The following NAA60 variants were observed in gnomAD, a reference collection of about 807,000 sequenced individuals.
NAA60 encodes N-alpha-acetyltransferase 60.
In NAA60, 8 loss-of-function variants were observed where a neutral mutation model predicts 26.1. The observed-to-expected ratio is 0.31, with a 90% CI of 0.18 to 0.55. NAA60 has a LOEUF of 0.55. NAA60 is among the 20% of genes least tolerant of loss of function. The probability of loss-of-function intolerance (pLI) is 0.93; values close to 1 mark genes in which losing one functional copy is unlikely to be tolerated. For missense variants in NAA60, 290 were observed against 311.3 expected, an observed-to-expected ratio of 0.93 and a Z score of 0.51; for synonymous variants, 131 against 122.5, an observed-to-expected ratio of 1.07 and a Z score of -0.46.
intron 2 of NAA60, among the ~76,000 whole-genome samples, chr16:3,454,955 A>G (rs1168040874): frequency 1.3e-5 from 2 of 152,220 alleles, no homozygotes; most frequent in African/African-American, 4.8e-5. Flanking sequence ...AACCGAATGA[A>G]CCGTTGTGAA....
rs1408754089 is a variant in NAA60 at position 3,483,417 on chromosome 16, A to T, written c.392A>T (p.His131Leu). ...KDHISTTAQDHCKAIYLHVLT... is the reference protein window; with the variant it reads ...KDHISTTAQDLCKAIYLHVLT... ...CACATATCAACCACCGCCCAGGACC[A>T]CTGCAAAGCCATTTACCTGCATGTC... The change falls in exon 6 of 8, where the codon CAC becomes CTC. Residue 131 changes from histidine (H) to leucine (L), a missense_variant. By Grantham distance (99) the His-to-Leu change is moderately conservative (BLOSUM62 -3). Transcript: ENST00000407558. 2 of 1,613,898 alleles carry T rather than the reference A, an allele frequency of 1.2e-6. No individual in the cohort carries two copies.
At chr16:3,478,208 T>C (rs1167878302) in intron 3 of NAA60, among the ~76,000 whole-genome samples, 1 of 152,118 alleles carries the variant, frequency 6.6e-6, no homozygotes, top group Non-Finnish European at 1.5e-5. Flanking sequence ...TGAACTCCAG[T>C]CTGGGTGACA....
chr16:3,455,560 A>G (rs2034957043), intron 2 of NAA60, among the ~76,000 whole-genome samples: 1 of 150,960 alleles, frequency 6.6e-6, no homozygotes, highest in African/African-American at 2.4e-5. Context: ...ACGCCCGGCT[A>G]ATTTTTCTGT....
chr16:3,461,967 A>G (rs2150967601), intron 2 of NAA60, among the ~76,000 whole-genome samples: 1 of 151,878 alleles, frequency 6.6e-6, no homozygotes, highest in East Asian at 1.9e-4. Flanking sequence ...CGCATCTGTC[A>G]TCCCAGCTAC....
intron 3 of NAA60, among the ~76,000 whole-genome samples, chr16:3,477,181 T>C (rs2036536709): frequency 6.6e-6 from 1 of 152,142 alleles, no homozygotes; most frequent in Non-Finnish European, 1.5e-5. Context: ...TGAAAAAAAT[T>C]TTACAAGGGG....
At chr16:3,472,104 G>A (rs997999891) in intron 2 of NAA60, 6 of 152,222 alleles carry the variant, frequency 3.9e-5, no homozygotes, top group Non-Finnish European at 7.3e-5. Context: ...GTCCTTTTGC[G>A]TTTTGAGACC....
At chr16:3,452,086 G>C (rs1402637683) in intron 2 of NAA60, among the ~76,000 whole-genome samples, 1 of 152,082 alleles carries the variant, frequency 6.6e-6, no homozygotes, top group African/African-American at 2.4e-5. Flanking sequence ...GGTGGCGCAT[G>C]CCTGTACTCC....
Position 3,484,907 on chromosome 16 carries a change from C to G in NAA60, c.*52C>G, listed in dbSNP as rs1319888895. On this transcript the variant is annotated 3_prime_UTR_variant, in exon 7 of 8. Transcript: ENST00000407558. ...CCCACCCTTCGGCCGCCCGCAGAGCCCGCCTTCCTGTCCATCTGACCCCTT... is the reference window on the plus strand; with the variant it reads ...CCCACCCTTCGGCCGCCCGCAGAGCGCGCCTTCCTGTCCATCTGACCCCTT... The G allele has an allele frequency of 6.5e-7, 1 of 1,548,142 alleles. No homozygotes were observed. The highest frequency in any genetic ancestry group is 2.0e-5 in the Admixed American group (1 of 51,014).
intron 3 of NAA60, among the ~76,000 whole-genome samples, 156 bp from the exon 4 acceptor site, chr16:3,479,315 A>G (rs2036680738): frequency 6.6e-6 from 1 of 152,230 alleles, no homozygotes; most frequent in African/African-American, 2.4e-5. Flanking sequence ...TGGCTGTGAC[A>G]GTTAGGTAGA....
chr16:3,463,689 A>T lies in NAA60; in HGVS notation c.-6-12533A>T, dbSNP rs538603642. Among the ~76,000 whole-genome samples, 99 of 150,228 alleles carry T rather than the reference A, an allele frequency of 6.6e-4. 1 individual carries two copies. The highest frequency in any genetic ancestry group is 2.3e-3 in the African/African-American group (93 of 40,984). ...AGACCAGCCTGGACAACATAGGGAGACCCAGTCTCTACTTAAAAAAAAAAA... is the reference window on the plus strand; with the variant it reads ...AGACCAGCCTGGACAACATAGGGAGTCCCAGTCTCTACTTAAAAAAAAAAA... On this transcript the variant is annotated intron_variant, in intron 2 of 7. Transcript: ENST00000407558.
chr16:3,443,616 A>T (rs1567356194), upstream of NAA60: 7 of 827,260 alleles, frequency 8.5e-6, no homozygotes, highest in Non-Finnish European at 8.8e-6. Context: ...ACCTTAACCG[A>T]GGACCTGTAG....
intron 3 of NAA60, among the ~76,000 whole-genome samples, chr16:3,478,251 A>C (rs1202777679): frequency 6.6e-6 from 1 of 152,068 alleles, no homozygotes; most frequent in Non-Finnish European, 1.5e-5. Flanking sequence ...AAAAATAAAA[A>C]CGTGTTCTTC....
At chr16:3,452,433 T>C (rs1312227433) in intron 2 of NAA60, among the ~76,000 whole-genome samples, 2 of 151,614 alleles carry the variant, frequency 1.3e-5, no homozygotes, top group African/African-American at 2.4e-5. Context: ...GGTGGGCAGA[T>C]TGCCTGAGCT....
intron 2 of NAA60, 152 bp downstream of exon 2, chr16:3,448,692 C>T (rs772703374): frequency 3.8e-5 from 24 of 625,054 alleles, no homozygotes; most frequent in Non-Finnish European, 5.4e-5. Flanking sequence ...GAAACAAATG[C>T]TTTCACTTTT....
chr16:3,448,689 A>C, intron 2 of NAA60, 149 bp downstream of exon 2: 1 of 629,180 alleles, frequency 1.6e-6, no homozygotes, highest in Non-Finnish European at 2.7e-6. Context: ...AGTGAAACAA[A>C]TGCTTTCACT....
chr16:3,450,204 A>G, intron 2 of NAA60: 1 of 350,220 alleles, frequency 2.9e-6, no homozygotes, highest in Non-Finnish European at 5.1e-6. Flanking sequence ...AGTCTCATGG[A>G]GCTTTTCTGC....
At chr16:3,482,976 C>T (rs113196796) in intron 5 of NAA60, 17 of 465,988 alleles carry the variant, frequency 3.6e-5, no homozygotes, top group African/African-American at 1.2e-4. Context: ...CAACACTCAC[C>T]GTTTCTCCGA....
At chr16:3,447,459 TTTG>T in intron 1 of NAA60, 1 of 985,300 alleles carries the variant, frequency 1.0e-6, no homozygotes, top group Non-Finnish European at 1.2e-6. Context: ...GCTCACTACG[TTTG>T]GTGTGTTTTC....
intron 5 of NAA60, 92 bp downstream of exon 5, chr16:3,482,690 C>T: frequency 1.1e-6 from 1 of 909,190 alleles, no homozygotes; most frequent in East Asian, 2.6e-5. Flanking sequence ...CTTCCCTGGC[C>T]CCAACAACTC....
Sources: allele counts gnomAD v4.1 joint callset (sites outside exome capture counted in the v4.1 genomes callset), GRCh38; gene constraint gnomAD v4.1.1; transcripts MANE v1.5; gene names NCBI Gene and HGNC (gene_info 2026-07-23, HGNC 2026-07-21).